Variants in GATAD2A observed in about 807,000 individuals in gnomAD.
GATAD2A encodes the protein transcriptional repressor p66-alpha.
GATAD2A carries 12 observed loss-of-function variants against 68.5 expected under a neutral mutation model. That is an observed-to-expected ratio of 0.18 (90% CI 0.11 to 0.28). GATAD2A has a LOEUF of 0.28. Among genes scored for constraint, GATAD2A ranks in the 10% least tolerant of loss-of-function variants. GATAD2A has a pLI of 1.00. For missense variants in GATAD2A, 755 were observed against 868.5 expected (o/e 0.87, Z 1.64); for synonymous variants, 410 against 375.3 (o/e 1.09, Z -1.07).
chr19:19,452,950 C>T (rs2056539906), intron 1 of GATAD2A, among the ~76,000 whole-genome samples: 1 of 152,170 alleles, frequency 6.6e-6, no homozygotes, highest in East Asian at 1.9e-4. Flanking sequence ...CTGGCACAAA[C>T]GACCTCGCTC....
At chr19:19,410,358 G>A (rs1223797328) in intron 1 of GATAD2A, among the ~76,000 whole-genome samples, 2 of 150,870 alleles carry the variant, frequency 1.3e-5, no homozygotes, top group Admixed American at 1.3e-4. Context: ...GGGGTGGTGG[G>A]TGGAGTGGTC....
Position 19,500,503 on chromosome 19 carries a change from C to T in GATAD2A, c.1205-615C>T, listed in dbSNP as rs150464601. On this transcript the variant is annotated intron_variant, in intron 8 of 11. Coordinates refer to ENST00000683918, the MANE Select transcript of GATAD2A (RefSeq NM_001384528.1). ...CCCAGACCTCACGCCCGAGCACATGCTTCATGTACACTTCCCCAGCTACCT... is the reference window on the plus strand; with the variant it reads ...CCCAGACCTCACGCCCGAGCACATGTTTCATGTACACTTCCCCAGCTACCT... Among the ~76,000 whole-genome samples the T allele has an allele frequency of 5.4e-3, 822 of 152,286 alleles. 7 individuals are homozygous for T. The highest frequency in any genetic ancestry group is 9.1e-3 in the Non-Finnish European group (617 of 68,018).
chr19:19,499,588 C>T (rs1372525396), intron 8 of GATAD2A, among the ~76,000 whole-genome samples: 3 of 152,126 alleles, frequency 2.0e-5, no homozygotes, highest in Non-Finnish European at 4.4e-5. Flanking sequence ...CGAGCTGTGC[C>T]CCCAGCACCT....
chr19:19,506,492 G>T lies in GATAD2A; in HGVS notation c.*1018G>T. ...AGGTGAGCGTGCACAGGTGTGTGCA[G>T]GTCAGGAGGTGCCGTCCAGGTGTGC... On this transcript the variant is annotated 3_prime_UTR_variant, in exon 12 of 12. Transcript: ENST00000683918. 4.9e-6 allele frequency: 1 copy of T among 204,038 alleles called. No individual in the cohort carries two copies. The allele number at this position is 204,038 out of a possible 1,614,324, so 12.6% of individuals were successfully genotyped here. A position where few individuals can be genotyped will look rare whatever the true frequency, so the allele number is the denominator to read the frequency against.
chr19:19,391,436 T>C (rs1189201870), intron 1 of GATAD2A, among the ~76,000 whole-genome samples: 1 of 152,230 alleles, frequency 6.6e-6, no homozygotes, highest in Non-Finnish European at 1.5e-5. Context: ...CTTTCAATTC[T>C]TTTAAGGACA....
chr19:19,498,809 G>T (rs2060321927), intron 8 of GATAD2A, 87 bp downstream of exon 8: 2 of 1,209,356 alleles, frequency 1.7e-6, no homozygotes, highest in Non-Finnish European at 2.4e-6. Context: ...CACAGCAGAG[G>T]CTGGGGCAGG....
At chr19:19,486,592 T>C (rs1387574720) in intron 2 of GATAD2A, among the ~76,000 whole-genome samples, 1 of 152,166 alleles carries the variant, frequency 6.6e-6, no homozygotes, top group African/African-American at 2.4e-5. Context: ...CATTTCCTTC[T>C]CCGAGGTGGG....
In GATAD2A at chr19:19,505,755, C is replaced by T; in HGVS notation, c.*281C>T. 1 of 469,038 alleles carries T rather than the reference C, an allele frequency of 2.1e-6. No individual in the cohort carries two copies. The highest frequency in any genetic ancestry group is 3.7e-6 in the Non-Finnish European group (1 of 268,990). 29.1% of individuals were successfully genotyped at this position (469,038 alleles called of 1,614,324 possible). A position where few individuals can be genotyped will look rare whatever the true frequency, so the allele number is the denominator to read the frequency against. On this transcript the variant is annotated 3_prime_UTR_variant, in exon 12 of 12. Coordinates refer to ENST00000683918, the MANE Select transcript of GATAD2A (RefSeq NM_001384528.1). Reference sequence around the variant, plus strand: ...CTCTTTGCCTTTAGTTTGCCCGACACCAGCAGAAAAGTGGACCTTGGGGGC... The same window carrying T: ...CTCTTTGCCTTTAGTTTGCCCGACATCAGCAGAAAAGTGGACCTTGGGGGC...
At position 19,466,081 on chromosome 19, in the gene GATAD2A, C is replaced by T. The variant is rs60635681; in HGVS notation, c.269+467C>T. Among the ~76,000 whole-genome samples, 1,142 of 152,282 alleles carry T rather than the reference C, an allele frequency of 7.5e-3. 13 individuals are homozygous for T. Among genetic ancestry groups the T allele is most frequent in the African/African-American group, 0.025 (1,049 of 41,556 alleles). ...CAGGGCACCCTCCTCGGAGCGGGTA[C>T]GGGATGCTCACTCGACTCCATGTTC... On this transcript the variant is annotated intron_variant, in intron 2 of 11. Coordinates refer to ENST00000683918, the MANE Select transcript of GATAD2A (RefSeq NM_001384528.1).
At chr19:19,502,652 C>G in intron 11 of GATAD2A, 126 bp downstream of exon 11, 1 of 711,734 alleles carries the variant, frequency 1.4e-6, no homozygotes, top group Non-Finnish European at 2.3e-6. Flanking sequence ...TCAGCCTCCT[C>G]GGACTCTGGC....
intron 1 of GATAD2A, among the ~76,000 whole-genome samples, chr19:19,410,782 A>G (rs1385928622): frequency 1.3e-5 from 2 of 152,146 alleles, no homozygotes; most frequent in African/African-American, 4.8e-5. Flanking sequence ...TTGCCTCAAG[A>G]CAGCCTGGTG....
intron 1 of GATAD2A, among the ~76,000 whole-genome samples, chr19:19,430,977 GTGT>G (rs1415533804): frequency 4.2e-3 from 193 of 45,694 alleles, no homozygotes; most frequent in African/African-American, 0.01. Context: ...TATGGTAGGG[GTGT>G]GTGTGTGTGT....
intron 9 of GATAD2A, 132 bp from the exon 10 acceptor site, chr19:19,501,837 G>A (rs2060546237): frequency 7.4e-6 from 5 of 679,204 alleles, no homozygotes; most frequent in South Asian, 1.9e-5. Context: ...TTCACTAAAC[G>A]CATTTTCTCA....
At position 19,427,056 on chromosome 19, in the gene GATAD2A, T is replaced by C. The variant is rs187216139; in HGVS notation, c.-7+21037T>C. The stretch of plus-strand genomic sequence containing the variant: ...AGTCAGGCTCAAAAAGACACACTTA[T>C]GATTGCACCTATATGAGGTTCCTAG... On this transcript the variant is annotated intron_variant, in intron 1 of 11. Coordinates refer to ENST00000683918, the MANE Select transcript of GATAD2A (RefSeq NM_001384528.1). 3.8e-3 allele frequency among the ~76,000 whole-genome samples: 575 copies of C among 152,002 alleles called. 2 individuals are homozygous for C. The highest frequency in any genetic ancestry group is 5.8e-3 in the South Asian group (28 of 4,818).
intron 2 of GATAD2A, among the ~76,000 whole-genome samples, chr19:19,488,644 G>A (rs149105279): frequency 0.016 from 2,472 of 152,320 alleles, 82 homozygotes; most frequent in South Asian, 0.085. Flanking sequence ...GTTCCTGGCA[G>A]GTAACAGAAT....
At chr19:19,475,209 C>T (rs1226574498) in intron 2 of GATAD2A, among the ~76,000 whole-genome samples, 1 of 152,202 alleles carries the variant, frequency 6.6e-6, no homozygotes, top group Non-Finnish European at 1.5e-5. Flanking sequence ...ATGAGATGGA[C>T]GATGGACTAA....
chr19:19,443,936 G>C lies in GATAD2A; in HGVS notation c.-6-21404G>C, dbSNP rs118082073. On this transcript the variant is annotated intron_variant, in intron 1 of 11. Transcript: ENST00000683918. ...GGGACCGTGGCCTGTCAGCCCACCA[G>C]ACAGCCTCTCTTACACACTCTTATT... is the stretch of plus-strand genomic sequence containing the variant. Among the ~76,000 whole-genome samples, 728 of 152,106 alleles carry C rather than the reference G, an allele frequency of 4.8e-3. 6 individuals carry two copies. The highest frequency in any genetic ancestry group is 0.041 in the South Asian group (198 of 4,812).
chr19:19,401,363 G>A (rs2049731096), upstream of GATAD2A, among the ~76,000 whole-genome samples: 1 of 151,720 alleles, frequency 6.6e-6, no homozygotes, highest in African/African-American at 2.4e-5. Flanking sequence ...ACAGGCGCGT[G>A]CCACCATGCA....
chr19:19,415,549 A>G (rs1568714045), intron 1 of GATAD2A, among the ~76,000 whole-genome samples: 1 of 151,344 alleles, frequency 6.6e-6, no homozygotes. Flanking sequence ...TCCCAGATTC[A>G]AGCGATTCTC....
Sources: gnomAD v4.1 joint callset for allele counts (sites outside exome capture counted in the v4.1 genomes callset) on GRCh38, gnomAD v4.1.1 for gene constraint, MANE v1.5 for transcripts, NCBI Gene and HGNC (gene_info 2026-07-23, HGNC 2026-07-21) for gene names.